The following MINDY3 variants were observed in gnomAD, a reference collection of about 807,000 sequenced individuals.
MINDY3 encodes the protein MINDY lysine 48 deubiquitinase 3.
A neutral mutation model predicts 69.2 loss-of-function variants in MINDY3; 38 were observed. That is an observed-to-expected ratio of 0.55 (90% CI 0.42 to 0.72). The LOEUF is 0.72. MINDY3 is among the 30% of genes least tolerant of loss of function. MINDY3 has a pLI of 0.00. For synonymous variants in MINDY3, 192 were observed against 180.1 expected (o/e 1.07, Z -0.53); for missense variants, 522 against 519.0 (o/e 1.01, Z -0.06).
Position 15,778,986 on chromosome 10 carries a change from G to A in MINDY3, c.*6C>T. On this transcript the variant is annotated 3_prime_UTR_variant, in exon 15 of 15. Transcript: ENST00000277632. ...TTAAGATCTTCCTTATAAATACTTAGACAAATTAATTTAGTGAAGGAGAGC... is the reference window on the plus strand; with the variant it reads ...TTAAGATCTTCCTTATAAATACTTAAACAAATTAATTTAGTGAAGGAGAGC... 6.2e-7 allele frequency: 1 copy of A among 1,610,980 alleles called. No individual in the cohort carries two copies. Among genetic ancestry groups the A allele is most frequent in the Non-Finnish European group, 8.5e-7 (1 of 1,178,244 alleles).
At chr10:15,851,618 A>G (rs1403647719) in intron 1 of MINDY3, among the ~76,000 whole-genome samples, 1 of 151,944 alleles carries the variant, frequency 6.6e-6, no homozygotes, top group East Asian at 1.9e-4. Flanking sequence ...GTCCATTTCC[A>G]TCCCATCTCC....
rs775029217 is a variant in MINDY3 at position 15,856,170 on chromosome 10, T to A, written c.94+4036A>T. The stretch of plus-strand genomic sequence containing the variant: ...TAATGATGTTGGTGTGTCATTTTAT[T>A]ACTTTGATAAAATAGTAAATCACAT... On this transcript the variant is annotated intron_variant, in intron 1 of 14. Transcript: ENST00000277632. Among the ~76,000 whole-genome samples, 51 of 152,200 alleles carry A rather than the reference T, an allele frequency of 3.4e-4. 1 individual carries two copies. Among genetic ancestry groups the A allele is most frequent in the Admixed American group, 1.6e-3 (24 of 15,272 alleles).
At chr10:15,786,528 A>G (rs1836979009) in intron 13 of MINDY3, 33 bp downstream of exon 13, 2 of 1,230,012 alleles carry the variant, frequency 1.6e-6, no homozygotes, top group African/African-American at 1.5e-5. Flanking sequence ...TCCCAACAGA[A>G]TAACAATGAA....
intron 10 of MINDY3, among the ~76,000 whole-genome samples, chr10:15,801,632 C>T (rs1002996854): frequency 3.9e-5 from 6 of 152,002 alleles, no homozygotes; most frequent in African/African-American, 1.4e-4. Flanking sequence ...TCATTACACA[C>T]AGTAGTCTGC....
At chr10:15,821,916 G>C (rs777580318) in intron 8 of MINDY3, among the ~76,000 whole-genome samples, 190 bp from the exon 9 acceptor site, 1 of 150,482 alleles carries the variant, frequency 6.6e-6, no homozygotes, top group African/African-American at 2.5e-5. Context: ...CATTAGATCA[G>C]GTTTGTGGTG....
At chr10:15,842,437 C>G (rs1156401718) in intron 3 of MINDY3, among the ~76,000 whole-genome samples, 1 of 151,730 alleles carries the variant, frequency 6.6e-6, no homozygotes, top group African/African-American at 2.4e-5. Flanking sequence ...ATTAAAAGTT[C>G]ATTTCAAAAA....
intron 10 of MINDY3, among the ~76,000 whole-genome samples, chr10:15,815,344 T>C (rs968938926): frequency 1.3e-5 from 2 of 152,220 alleles, no homozygotes; most frequent in African/African-American, 2.4e-5. Context: ...AAGGCAATTA[T>C]GTATCTTGCT....
intron 9 of MINDY3, 128 bp from the exon 10 acceptor site, chr10:15,817,043 G>A (rs966729490): frequency 1.3e-5 from 9 of 694,452 alleles, no homozygotes; most frequent in African/African-American, 5.4e-5. Context: ...TATTGTGCCC[G>A]AGCACTTCAC....
Position 15,833,618 on chromosome 10 carries a change from G to GAAT in MINDY3, c.730+9_730+11dup. On this transcript the variant is annotated intron_variant, in intron 8 of 14. Coordinates refer to ENST00000277632, the MANE Select transcript of MINDY3 (RefSeq NM_024948.4). Reference sequence around the variant, plus strand: ...TCATCAAAGAGAGCAACATAACAAGGAATATACTTACTCATTCCTGAGCAC... The same window carrying GAAT: ...TCATCAAAGAGAGCAACATAACAAGGAATAATATACTTACTCATTCCTGAGCAC... 6.6e-7 allele frequency: 1 copy of GAAT among 1,511,532 alleles called. No individual in the cohort carries two copies. The highest frequency in any genetic ancestry group is 9.2e-7 in the Non-Finnish European group (1 of 1,088,354). 93.6% of individuals were successfully genotyped at this position (1,511,532 alleles called of 1,614,324 possible).
chr10:15,833,195 G>A (rs780467356), intron 8 of MINDY3, among the ~76,000 whole-genome samples: 1 of 152,168 alleles, frequency 6.6e-6, no homozygotes, highest in Non-Finnish European at 1.5e-5. Flanking sequence ...AAAAGTCTCA[G>A]TATTAAATTT....
chr10:15,842,402 T>C (rs1833534771), intron 3 of MINDY3, among the ~76,000 whole-genome samples: 1 of 151,898 alleles, frequency 6.6e-6, no homozygotes, highest in Admixed American at 6.6e-5. Flanking sequence ...ATAGTGAATA[T>C]AGTATAAGAA....
chr10:15,784,695 C>A (rs969448969), intron 13 of MINDY3, among the ~76,000 whole-genome samples: 2 of 152,252 alleles, frequency 1.3e-5, no homozygotes, highest in South Asian at 4.1e-4. Flanking sequence ...TGAGATCGTG[C>A]CACTGCACTC....
intron 5 of MINDY3, 78 bp downstream of exon 5, chr10:15,838,150 C>G: frequency 7.0e-7 from 1 of 1,427,628 alleles, no homozygotes; most frequent in Non-Finnish European, 9.2e-7. Flanking sequence ...AAACTAAGAA[C>G]CTTTCCACAG....
intron 11 of MINDY3, 53 bp downstream of exon 11, chr10:15,796,047 T>C (rs1023149252): frequency 7.9e-7 from 1 of 1,273,710 alleles, no homozygotes; most frequent in African/African-American, 1.5e-5. Context: ...GCTATCAATG[T>C]ATTTCAAACA....
chr10:15,805,189 A>C (rs1273604922), intron 10 of MINDY3, among the ~76,000 whole-genome samples: 2 of 152,154 alleles, frequency 1.3e-5, no homozygotes, highest in Non-Finnish European at 2.9e-5. Flanking sequence ...CTTTTCTTGA[A>C]GTTAGACGAC....
chr10:15,820,062 T>C (rs759105448), intron 9 of MINDY3, among the ~76,000 whole-genome samples: 31 of 151,994 alleles, frequency 2.0e-4, no homozygotes, highest in African/African-American at 6.8e-4. Flanking sequence ...GGGAAGACAA[T>C]AGAAAAGCAA....
At chr10:15,790,073 C>T (rs1837295653) in intron 11 of MINDY3, among the ~76,000 whole-genome samples, 1 of 152,024 alleles carries the variant, frequency 6.6e-6, no homozygotes, top group African/African-American at 2.4e-5. Context: ...AGCTTTAAAT[C>T]AGCTTCCAAT....
intron 10 of MINDY3, among the ~76,000 whole-genome samples, chr10:15,800,635 G>A (rs1269540024): frequency 6.6e-6 from 1 of 151,996 alleles, no homozygotes; most frequent in East Asian, 1.9e-4. Context: ...CACTAGTGAT[G>A]CCGGAAGTTC....
chr10:15,830,803 T>C (rs754468551), intron 8 of MINDY3, among the ~76,000 whole-genome samples: 5 of 152,144 alleles, frequency 3.3e-5, no homozygotes, highest in African/African-American at 1.2e-4. Flanking sequence ...TTTCAGATCA[T>C]AGAGAGTAAA....
Sources: allele counts gnomAD v4.1 joint callset (sites outside exome capture counted in the v4.1 genomes callset), GRCh38; gene constraint gnomAD v4.1.1; transcripts MANE v1.5; gene names NCBI Gene and HGNC (gene_info 2026-07-23, HGNC 2026-07-21).